The following LPIN2 variants were observed in gnomAD, a reference collection of about 807,000 sequenced individuals.
LPIN2 encodes phosphatidate phosphatase LPIN2.
LPIN2 carries 55 observed loss-of-function variants against 111.4 expected under a neutral mutation model. The ratio of observed to expected loss-of-function variants is 0.49; its 90% CI spans 0.40 to 0.62. The LOEUF (loss-of-function observed/expected upper bound fraction) is 0.62, where lower values mean the gene tolerates loss of function less well. Ranked by LOEUF, LPIN2 falls within the 20% of genes least tolerant of loss-of-function variation. LPIN2 has a pLI of 0.00. For synonymous variants in LPIN2, 425 were observed against 414.0 expected, an observed-to-expected ratio of 1.03 and a Z score of -0.32; for missense variants, 992 against 1,112.1, an observed-to-expected ratio of 0.89 and a Z score of 1.54.
intron 2 of LPIN2, among the ~76,000 whole-genome samples, chr18:2,959,974 G>A (rs915477496): frequency 1.3e-5 from 2 of 152,166 alleles, no homozygotes; most frequent in African/African-American, 4.8e-5. Context: ...TTCGAGACCA[G>A]CCTAGCCAAC....
At chr18:3,006,619 C>T (rs973055493) in intron 1 of LPIN2, among the ~76,000 whole-genome samples, 1 of 152,176 alleles carries the variant, frequency 6.6e-6, no homozygotes, top group Non-Finnish European at 1.5e-5. Context: ...AGGGAGGTCA[C>T]AAGATCAGGA....
In LPIN2 at chr18:3,007,450, C is replaced by G. The variant is rs142004215; in HGVS notation, c.-10+5637G>C. Among the ~76,000 whole-genome samples the G allele has an allele frequency of 1.9e-3, 297 of 152,312 alleles. 1 individual carries two copies. Among genetic ancestry groups the G allele is most frequent in the African/African-American group, 6.8e-3 (281 of 41,560 alleles). On this transcript the variant is annotated intron_variant, in intron 1 of 19. Transcript: ENST00000677752. Reference sequence around the variant, plus strand: ...CCTCCCAAAGTGCTGGGATTACAGGCGTAAGCCACCACACCTATCCAGGTA... The same window carrying G: ...CCTCCCAAAGTGCTGGGATTACAGGGGTAAGCCACCACACCTATCCAGGTA...
At chr18:2,988,293 C>T (rs1008376748) in intron 1 of LPIN2, among the ~76,000 whole-genome samples, 13 of 152,060 alleles carry the variant, frequency 8.5e-5, no homozygotes, top group African/African-American at 1.7e-4. Flanking sequence ...TCAGGAGAAA[C>T]GGCAAAAATG....
Position 2,922,103 on chromosome 18 carries a change from G to T in LPIN2, c.2271C>A (p.Ile757=). The T allele has an allele frequency of 6.2e-7, 1 of 1,614,078 alleles. No homozygotes were observed. The change falls in exon 17 of 20, where the codon ATC becomes ATA. Residue 757 remains isoleucine, a synonymous_variant. Coordinates refer to ENST00000677752, the MANE Select transcript of LPIN2 (RefSeq NM_001375808.2). ...YLHWVNDKGT[I]LPRGPLMLSP... ...ACAGCATCAGGGGGCCCCGGGGCAAGATTGTGCCCTTGTCATTGACCCAGT... is the reference window on the plus strand; with the variant it reads ...ACAGCATCAGGGGGCCCCGGGGCAATATTGTGCCCTTGTCATTGACCCAGT...
chr18:2,927,116 G>T lies in LPIN2; in HGVS notation c.1711-311C>A, dbSNP rs181637928. ...CCCCAGCTTCCTTCTCCTCCTGGGA[G>T]TAACTCACCACGTGCAGAAGGGACT... On this transcript the variant is annotated intron_variant, in intron 12 of 19. Transcript: ENST00000677752. 1.9e-3 allele frequency among the ~76,000 whole-genome samples: 286 copies of T among 152,304 alleles called. 1 individual carries two copies. Among genetic ancestry groups the T allele is most frequent in the Non-Finnish European group, 3.0e-3 (207 of 68,028 alleles).
chr18:2,923,750 G>T, intron 16 of LPIN2, 25 bp downstream of exon 16: 1 of 1,587,242 alleles, frequency 6.3e-7, no homozygotes, highest in Non-Finnish European at 8.7e-7. Flanking sequence ...TCACCAGAGC[G>T]AGTTAACGTG....
intron 4 of LPIN2, among the ~76,000 whole-genome samples, chr18:2,947,855 T>TA (rs2077478253): frequency 6.6e-6 from 1 of 152,210 alleles, no homozygotes; most frequent in South Asian, 2.1e-4. Context: ...CGTTGTTTCA[T>TA]ATGCTGTTAA....
chr18:3,006,303 C>G (rs938144561), intron 1 of LPIN2, among the ~76,000 whole-genome samples: 1 of 152,138 alleles, frequency 6.6e-6, no homozygotes, highest in Non-Finnish European at 1.5e-5. Context: ...TATTAAAGAC[C>G]CCAAAATGCC....
At position 2,951,100 on chromosome 18, in the gene LPIN2, T is replaced by C. The variant is rs2077529404; in HGVS notation, c.545A>G (p.Asp182Gly). ...AASAAAEDTC[D>G]VGVSSDDDKG... Reference sequence around the variant, plus strand: ...GTCATCATCGGAGCTCACGCCTACATCACATGTGTCTTCTGCAGCAGCAGA... The same window carrying C: ...GTCATCATCGGAGCTCACGCCTACACCACATGTGTCTTCTGCAGCAGCAGA... The change falls in exon 4 of 20, where the codon GAT becomes GGT. Residue 182 changes from aspartate to glycine, a missense_variant. Asp to Gly is a moderately conservative substitution (Grantham distance 94, BLOSUM62 -1). Around this residue, in one of 4 missense-constraint regions of LPIN2, gnomAD observed 709 missense variants for 753.2 expected, o/e 0.94. Coordinates refer to ENST00000677752, the MANE Select transcript of LPIN2 (RefSeq NM_001375808.2). 1.2e-6 allele frequency: 2 copies of C among 1,614,074 alleles called. No homozygotes were observed. The highest frequency in any genetic ancestry group is 1.6e-4 in the Middle Eastern group (1 of 6,080).
intron 1 of LPIN2, among the ~76,000 whole-genome samples, chr18:2,986,638 G>C (rs1567855069): frequency 6.6e-6 from 1 of 151,760 alleles, no homozygotes; most frequent in Non-Finnish European, 1.5e-5. Flanking sequence ...AAGAATTAGA[G>C]GATGCTCAGT....
At chr18:2,979,606 G>A (rs1416981893) in intron 1 of LPIN2, among the ~76,000 whole-genome samples, 1 of 152,178 alleles carries the variant, frequency 6.6e-6, no homozygotes, top group Non-Finnish European at 1.5e-5. Context: ...CAGTCTGTGT[G>A]CATGTATGTT....
intron 19 of LPIN2, 63 bp from the exon 20 acceptor site, chr18:2,920,500 TG>T: frequency 6.4e-7 from 1 of 1,572,592 alleles, no homozygotes; most frequent in Non-Finnish European, 8.7e-7. Context: ...AGGCACAAGA[TG>T]GGGGGCTGTG....
Position 2,931,277 on chromosome 18 carries a change from C to T in LPIN2, c.1435G>A (p.Glu479Lys), listed in dbSNP as rs571085377. Reference protein sequence around the residue: ...VTLSLCGGLSENGEISKEKFM... With the variant: ...VTLSLCGGLSKNGEISKEKFM... ...GTACCTTTTGAAATTTCTCCATTTT[C>T]ACTGAGGCCCCCGCAAAGGGAGAGG... The change falls in exon 9 of 20, where the codon GAA becomes AAA. Residue 479 changes from glutamate to lysine, a missense_variant. Physicochemically the swap from Glu to Lys is moderately conservative, Grantham distance 56. Transcript: ENST00000677752. 39 of 1,614,170 alleles carry T rather than the reference C, an allele frequency of 2.4e-5. No homozygotes were observed. The highest frequency in any genetic ancestry group is 3.0e-5 in the Non-Finnish European group (35 of 1,180,036).
intron 1 of LPIN2, among the ~76,000 whole-genome samples, chr18:2,965,374 G>A (rs1239591973): frequency 6.6e-6 from 1 of 152,164 alleles, no homozygotes; most frequent in Non-Finnish European, 1.5e-5. Flanking sequence ...GATCAGCTTA[G>A]CATCTTTTGC....
rs1350770349 is a variant in LPIN2, at chr18:2,917,416, T to C, written c.*2877A>G. 5 of 152,158 alleles carry C rather than the reference T, an allele frequency of 3.3e-5. No individual in the cohort carries two copies. The highest frequency in any genetic ancestry group is 4.8e-5 in the African/African-American group (2 of 41,418). The allele number at this position is 152,158 out of a possible 1,614,324, so 9.4% of individuals were successfully genotyped here. A position where few individuals can be genotyped will look rare whatever the true frequency, so the allele number is the denominator to read the frequency against. ...GTAAAAAGTGAAAGAGCTGACTTCCTTGTTTATTCTTTAAAGGGTTGGCCT... is the reference window on the plus strand; with the variant it reads ...GTAAAAAGTGAAAGAGCTGACTTCCCTGTTTATTCTTTAAAGGGTTGGCCT... On this transcript the variant is annotated 3_prime_UTR_variant, in exon 20 of 20. Transcript: ENST00000677752.
intron 1 of LPIN2, among the ~76,000 whole-genome samples, chr18:2,968,772 T>C (rs911734421): frequency 6.6e-6 from 1 of 152,202 alleles, no homozygotes; most frequent in Admixed American, 6.5e-5. Context: ...CCTTTGACCC[T>C]GTGCAAGTTT....
intron 1 of LPIN2, among the ~76,000 whole-genome samples, chr18:3,007,067 C>CTT (rs2078527547): frequency 7.1e-6 from 1 of 139,942 alleles, no homozygotes; most frequent in Admixed American, 6.7e-5. Flanking sequence ...ATCTCTCTCT[C>CTT]AAGTAGTATT....
chr18:3,008,698 TTCCTTCCC>T (rs1175066071), intron 1 of LPIN2, among the ~76,000 whole-genome samples: 16 of 152,232 alleles, frequency 1.1e-4, no homozygotes, highest in African/African-American at 2.4e-4. Flanking sequence ...AGATCCTTCC[TTCCTTCCC>T]TCCTTCCCAC....
At chr18:2,940,875 C>T (rs1302062603) in intron 4 of LPIN2, among the ~76,000 whole-genome samples, 163 bp from the exon 5 acceptor site, 6 of 152,150 alleles carry the variant, frequency 3.9e-5, no homozygotes, top group African/African-American at 1.2e-4. Flanking sequence ...ACACCAATGC[C>T]ACCCACTATA....
Sources: gnomAD v4.1 joint callset for allele counts (sites outside exome capture counted in the v4.1 genomes callset) on GRCh38, gnomAD v4.1.1 for gene constraint, gnomAD v4.1.1 regional missense constraint, MANE v1.5 for transcripts, NCBI Gene and HGNC (gene_info 2026-07-23, HGNC 2026-07-21) for gene names.